Variants in KNSTRN observed in about 807,000 individuals in gnomAD.
The protein encoded by KNSTRN is kinetochore localized astrin (SPAG5) binding protein, also known as small kinetochore-associated protein.
Under a neutral mutation model 44.7 loss-of-function variants are expected in KNSTRN, and 38 were observed. That is an observed-to-expected ratio of 0.85 (90% CI 0.66 to 1.11). The LOEUF is 1.11. KNSTRN is among the 50% of genes most tolerant of loss of function. The probability of loss-of-function intolerance (pLI) is 0.00; values close to 1 mark genes in which losing one functional copy is unlikely to be tolerated. For missense variants in KNSTRN, 406 were observed against 375.8 expected (o/e 1.08, Z -0.66); for synonymous variants, 158 against 148.1 (o/e 1.07, Z -0.48).
chr15:40,383,519 C>T lies in KNSTRN; in HGVS notation c.304+197C>T, dbSNP rs1258623180. The T allele has an allele frequency of 7.0e-6, 4 of 567,762 alleles. No homozygotes were observed. The African/African-American group carries it at 7.5e-5, about 11-fold the overall frequency. 35.2% of individuals were successfully genotyped at this position (567,762 alleles called of 1,614,324 possible). A position where few individuals can be genotyped will look rare whatever the true frequency, so the allele number is the denominator to read the frequency against. On this transcript the variant is annotated intron_variant, in intron 2 of 8. Transcript: ENST00000249776. ...ACCATGTGGTAGGATTTTAGACGTG[C>T]TCTGCACTTTTCTGCCCGCATGTGT...
At position 40,382,779 on chromosome 15, in the gene KNSTRN, G is replaced by A. The variant is rs369435195; in HGVS notation, c.-57G>A. On this transcript the variant is annotated 5_prime_UTR_variant, in exon 1 of 9. Coordinates refer to ENST00000249776, the MANE Select transcript of KNSTRN (RefSeq NM_033286.4). ...CCTCCTCCTCTGCCCAGACCTGGGG[G>A]CTCCAACACCTTTCGCTAGGTCTGG... 7 of 1,493,144 alleles carry A rather than the reference G, an allele frequency of 4.7e-6. No individual in the cohort carries two copies. In the East Asian group the frequency reaches 9.6e-5, roughly 20 times the overall value. 92.5% of individuals were successfully genotyped at this position (1,493,144 alleles called of 1,614,324 possible).
intron 8 of KNSTRN, 174 bp from the exon 9 acceptor site, chr15:40,393,295 T>G (rs1218193064): frequency 6.2e-7 from 1 of 1,610,798 alleles, no homozygotes; most frequent in Non-Finnish European, 8.5e-7. Flanking sequence ...GAGGGACAAT[T>G]CCTAAAACCA....
rs937203726 is a variant in KNSTRN at position 40,382,808 on chromosome 15, T to A, written c.-28T>A. The A allele has an allele frequency of 6.3e-7, 1 of 1,599,760 alleles. No individual in the cohort carries two copies. The highest frequency in any genetic ancestry group is 8.5e-7 in the Non-Finnish European group (1 of 1,173,286). On this transcript the variant is annotated 5_prime_UTR_variant, in exon 1 of 9. Transcript: ENST00000249776. ...CAACACCTTTCGCTAGGTCTGGCTC[T>A]GGCCTCTGAGCGAACCTTCCGTACA...
At position 40,386,410 on chromosome 15, in the gene KNSTRN, A is replaced by T; in HGVS notation, c.353A>T (p.Lys118Ile). 1.2e-6 allele frequency: 2 copies of T among 1,614,134 alleles called. No homozygotes were observed. Among genetic ancestry groups the T allele is most frequent in the East Asian group, 4.5e-5 (2 of 44,868 alleles). ...AAGAGTCTCTTACCTGTTAGGTCCAAAGAAGTCGATGTTTCCAAACAGCTT... is the reference window on the plus strand; with the variant it reads ...AAGAGTCTCTTACCTGTTAGGTCCATAGAAGTCGATGTTTCCAAACAGCTT... ...TSKSLLPVRS[K>I]EVDVSKQLHS... Residue 118 changes from lysine (K) to isoleucine (I), a missense_variant, in exon 3 of 9, where the codon AAA becomes ATA. Coordinates refer to ENST00000249776, the MANE Select transcript of KNSTRN (RefSeq NM_033286.4).
chr15:40,386,268 A>T, intron 2 of KNSTRN, 94 bp from the exon 3 acceptor site: 1 of 1,283,798 alleles, frequency 7.8e-7, no homozygotes, highest in Non-Finnish European at 1.1e-6. Flanking sequence ...TAAAATAAAG[A>T]TTTATGACAA....
At position 40,386,814 on chromosome 15, in the gene KNSTRN, G is replaced by C. The variant is rs1889911058; in HGVS notation, c.437+320G>C. 7.9e-6 allele frequency: 4 copies of C among 505,236 alleles called. No homozygotes were observed. The East Asian group carries it at 1.4e-4, about 18-fold the overall frequency. 31.3% of individuals were successfully genotyped at this position (505,236 alleles called of 1,614,324 possible). A position where few individuals can be genotyped will look rare whatever the true frequency, so the allele number is the denominator to read the frequency against. On this transcript the variant is annotated intron_variant, in intron 3 of 8. Coordinates refer to ENST00000249776, the MANE Select transcript of KNSTRN (RefSeq NM_033286.4). ...TGGGGACTAGTTGTTATCCTAGGTT[G>C]CTGCTCTGACCACACAGTCCAGCCC... is the stretch of plus-strand genomic sequence containing the variant.
At position 40,389,468 on chromosome 15, in the gene KNSTRN, C is replaced by G. The variant is rs562695126; in HGVS notation, c.486-38C>G. The G allele has an allele frequency of 1.2e-4, 185 of 1,513,166 alleles. No homozygotes were observed. In the East Asian group the frequency reaches 3.2e-3, roughly 26 times the overall value. 93.7% of individuals were successfully genotyped at this position (1,513,166 alleles called of 1,614,324 possible). The stretch of plus-strand genomic sequence containing the variant: ...ACCTGGTGTGGGCCATACTGTTAAC[C>G]CTTTTATCTTTTCATGTAAGTACAA... On this transcript the variant is annotated intron_variant, in intron 4 of 8. Transcript: ENST00000249776.
In KNSTRN at chr15:40,389,988, G is replaced by C. The variant is rs947276904; in HGVS notation, c.685+59G>C. The C allele has an allele frequency of 2.2e-6, 3 of 1,382,392 alleles. No individual in the cohort carries two copies. The East Asian group carries it at 6.9e-5, about 32-fold the overall frequency. 85.6% of individuals were successfully genotyped at this position (1,382,392 alleles called of 1,614,324 possible). On this transcript the variant is annotated intron_variant, in intron 6 of 8. Coordinates refer to ENST00000249776, the MANE Select transcript of KNSTRN (RefSeq NM_033286.4). ...GGAATTGGTGCATGTGCCCCTTCCG[G>C]GGTTGATCTTGGCAGCATGGCATCA... is the stretch of plus-strand genomic sequence containing the variant.
intron 4 of KNSTRN, among the ~76,000 whole-genome samples, chr15:40,387,954 G>T (rs963182815): frequency 1.3e-5 from 2 of 152,202 alleles, no homozygotes; most frequent in African/African-American, 2.4e-5. Flanking sequence ...ATTGCAGTGA[G>T]CCAAGATCAC....
At position 40,391,565 on chromosome 15, in the gene KNSTRN, G is replaced by C. The variant is rs773684599; in HGVS notation, c.747+11G>C. 2 of 1,610,512 alleles carry C rather than the reference G, an allele frequency of 1.2e-6. No individual in the cohort carries two copies. Among genetic ancestry groups the C allele is most frequent in the Middle Eastern group, 1.7e-4 (1 of 6,060 alleles). ...CACATGGACTCTATGGTGAGGGCATGGGTGTGAAAGGGCGCAAGGGCTGAG... is the reference window on the plus strand; with the variant it reads ...CACATGGACTCTATGGTGAGGGCATCGGTGTGAAAGGGCGCAAGGGCTGAG... On this transcript the variant is annotated intron_variant, in intron 7 of 8. Transcript: ENST00000249776.
chr15:40,383,176 C>G, intron 1 of KNSTRN, 52 bp from the exon 2 acceptor site: 2 of 1,586,164 alleles, frequency 1.3e-6, no homozygotes, highest in South Asian at 2.2e-5. Flanking sequence ...GCCCTCCACT[C>G]TCTCGGGCCC....
intron 2 of KNSTRN, 47 bp downstream of exon 2, chr15:40,383,369 G>C: frequency 1.4e-6 from 2 of 1,467,762 alleles, no homozygotes; most frequent in Non-Finnish European, 1.9e-6. Flanking sequence ...GGCCGGGGAT[G>C]GTCTCGGGAG....
chr15:40,390,336 C>T (rs1480321988), intron 6 of KNSTRN, among the ~76,000 whole-genome samples: 1 of 152,168 alleles, frequency 6.6e-6, no homozygotes, highest in Non-Finnish European at 1.5e-5. Context: ...CTAGTAATCC[C>T]AAATGGGAAG....
chr15:40,384,643 G>T, intron 2 of KNSTRN: 1 of 331,042 alleles, frequency 3.0e-6, no homozygotes, highest in African/African-American at 2.2e-5. Flanking sequence ...CCAGCTTTAT[G>T]ATCATATGTA....
intron 8 of KNSTRN, among the ~76,000 whole-genome samples, 163 bp downstream of exon 8, chr15:40,392,186 G>GTT (rs10681422): frequency 0.47 from 69,859 of 148,898 alleles, 16,560 homozygotes; most frequent in East Asian, 0.68. Flanking sequence ...ATAGTAACGT[G>GTT]TTTTTTTTTT....
At chr15:40,389,012 G>A (rs1047647897) in intron 4 of KNSTRN, among the ~76,000 whole-genome samples, 3 of 152,190 alleles carry the variant, frequency 2.0e-5, no homozygotes, top group African/African-American at 7.2e-5. Context: ...ACTATGAGAT[G>A]TGGGTATTGT....
At chr15:40,385,422 A>C (rs1388491489) in intron 2 of KNSTRN, among the ~76,000 whole-genome samples, 1 of 152,224 alleles carries the variant, frequency 6.6e-6, no homozygotes, top group African/African-American at 2.4e-5. Context: ...AACTTAACAA[A>C]GGGTAAACAA....
At chr15:40,386,811 G>A (rs970328941) in intron 3 of KNSTRN, 2 of 503,422 alleles carry the variant, frequency 4.0e-6, no homozygotes, top group African/African-American at 3.8e-5. Flanking sequence ...GTTATCCTAG[G>A]TTGCTGCTCT....
chr15:40,392,401 G>GGT (rs1176688531), intron 8 of KNSTRN, among the ~76,000 whole-genome samples: 2 of 152,108 alleles, frequency 1.3e-5, no homozygotes, highest in South Asian at 4.1e-4. Context: ...TCAAAACTAA[G>GGT]AAATCAGCCA....
Sources: allele counts gnomAD v4.1 joint callset (sites outside exome capture counted in the v4.1 genomes callset), GRCh38; gene constraint gnomAD v4.1.1; transcripts MANE v1.5; gene names NCBI Gene and HGNC (gene_info 2026-07-23, HGNC 2026-07-21).